The following RPS6KA5 variants were observed in gnomAD, a reference collection of about 807,000 sequenced individuals.
The protein encoded by RPS6KA5 is ribosomal protein S6 kinase alpha-5.
Under a neutral mutation model 85.5 loss-of-function variants are expected in RPS6KA5, and 27 were observed. The ratio of observed to expected loss-of-function variants is 0.32; its 90% confidence interval spans 0.23 to 0.44. The LOEUF is 0.44. Among genes scored for constraint, RPS6KA5 ranks in the 20% least tolerant of loss-of-function variants. The pLI is 1.00. For missense variants in RPS6KA5, 811 were observed against 980.9 expected (o/e 0.83, Z 2.31); for synonymous variants, 334 against 348.2 (o/e 0.96, Z 0.46).
At chr14:91,014,776 C>T (rs1272470191) in intron 1 of RPS6KA5, among the ~76,000 whole-genome samples, 8 of 151,944 alleles carry the variant, frequency 5.3e-5, no homozygotes, top group African/African-American at 1.9e-4. Context: ...TATTAATGCA[C>T]TATTGTTAAA....
At chr14:91,029,534 T>C (rs1038302702) in intron 1 of RPS6KA5, among the ~76,000 whole-genome samples, 1 of 152,224 alleles carries the variant, frequency 6.6e-6, no homozygotes, top group African/African-American at 2.4e-5. Flanking sequence ...CAGTAGTGGC[T>C]TAGAGTCTCA....
At chr14:90,982,465 A>G (rs1039996088) in intron 2 of RPS6KA5, among the ~76,000 whole-genome samples, 1 of 152,142 alleles carries the variant, frequency 6.6e-6, no homozygotes, top group Non-Finnish European at 1.5e-5. Context: ...CTGTCTCCAA[A>G]GGAAGAAAAA....
rs992229085 is a variant in RPS6KA5, at chr14:90,972,962, G to A, written c.394+5344C>T. On this transcript the variant is annotated intron_variant, in intron 3 of 16. Coordinates refer to ENST00000614987, the MANE Select transcript of RPS6KA5 (RefSeq NM_004755.4). ...TTTTTAAGCATGTGAAAAGATGTTC[G>A]GCCTCATTCAGTAAAGAAAAAAAGA... 3.9e-5 allele frequency among the ~76,000 whole-genome samples: 6 copies of A among 152,200 alleles called. No individual in the cohort carries two copies. In the East Asian group the frequency reaches 5.8e-4, roughly 15 times the overall value.
intron 8 of RPS6KA5, among the ~76,000 whole-genome samples, chr14:90,904,938 G>A (rs190056260): frequency 1.5e-3 from 227 of 152,188 alleles, no homozygotes; most frequent in African/African-American, 5.0e-3. Flanking sequence ...TACTTTGCTC[G>A]ACTTGTTTCT....
intron 12 of RPS6KA5, among the ~76,000 whole-genome samples, chr14:90,895,160 GC>G (rs1566705251): frequency 1.6e-3 from 11 of 6,732 alleles, no homozygotes; most frequent in African/African-American, 0.014. Context: ...GTGAGGCCTG[GC>G]ACACCCATCC....
chr14:90,950,887 G>A (rs2038139194), intron 3 of RPS6KA5, among the ~76,000 whole-genome samples: 1 of 152,124 alleles, frequency 6.6e-6, no homozygotes, highest in Non-Finnish European at 1.5e-5. Context: ...TTGGGAGGCT[G>A]AGGCAGGCGG....
chr14:91,028,447 C>A (rs531638962), intron 1 of RPS6KA5, among the ~76,000 whole-genome samples: 1 of 152,188 alleles, frequency 6.6e-6, no homozygotes, highest in African/African-American at 2.4e-5. Flanking sequence ...AAATCCTAGG[C>A]TCAAGCACTC....
Position 90,848,189 on chromosome 14 carries a change from C to T in RPS6KA5, c.*23885G>A, listed in dbSNP as rs1398330856. On this transcript the variant is annotated 3_prime_UTR_variant, in exon 17 of 17. Coordinates refer to ENST00000614987, the MANE Select transcript of RPS6KA5 (RefSeq NM_004755.4). ...AAGTAGCTATAGAATTCTGAAAATT[C>T]TCAATAAATAGTTACTAGTATAAAA... 2 of 152,150 alleles carry T rather than the reference C, an allele frequency of 1.3e-5. No homozygotes were observed. The highest frequency in any genetic ancestry group is 2.4e-5 in the African/African-American group (1 of 41,422). 9.4% of individuals were successfully genotyped at this position (152,150 alleles called of 1,614,324 possible). A position where few individuals can be genotyped will look rare whatever the true frequency, so the allele number is the denominator to read the frequency against.
In RPS6KA5 at chr14:90,974,776, AG is replaced by A. The variant is rs560443112; in HGVS notation, c.394+3529del. On this transcript the variant is annotated intron_variant, in intron 3 of 16. Transcript: ENST00000614987. The stretch of plus-strand genomic sequence containing the variant: ...CCAGCCAACTCTCCATCTGAACACC[AG>A]GTGAGTGAGCCCAGGCTAACCATTA... Among the ~76,000 whole-genome samples the A allele has an allele frequency of 2.1e-4, 32 of 152,380 alleles. No individual in the cohort carries two copies. In the South Asian group the frequency reaches 6.2e-3, roughly 30 times the overall value.
At chr14:91,028,951 T>G (rs973513512) in intron 1 of RPS6KA5, among the ~76,000 whole-genome samples, 1 of 152,248 alleles carries the variant, frequency 6.6e-6, no homozygotes, top group Non-Finnish European at 1.5e-5. Context: ...TGAAGTAATA[T>G]ATCTGAAGGG....
At position 90,851,757 on chromosome 14, in the gene RPS6KA5, A is replaced by G. The variant is rs1156833825; in HGVS notation, c.*20317T>C. 1 of 152,202 alleles carries G rather than the reference A, an allele frequency of 6.6e-6. No homozygotes were observed. Among genetic ancestry groups the G allele is most frequent in the Non-Finnish European group, 1.5e-5 (1 of 68,048 alleles). 9.4% of individuals were successfully genotyped at this position (152,202 alleles called of 1,614,324 possible). The stretch of plus-strand genomic sequence containing the variant: ...AGGATGAAGGTATTTCTCTTTAGAT[A>G]CTGGTAGATATCATTAGTAAAAACT... On this transcript the variant is annotated 3_prime_UTR_variant, in exon 17 of 17. Transcript: ENST00000614987.
chr14:90,973,640 A>G (rs1297119287), intron 3 of RPS6KA5, among the ~76,000 whole-genome samples: 5 of 151,970 alleles, frequency 3.3e-5, no homozygotes, highest in Non-Finnish European at 7.3e-5. Context: ...AATGGAATGG[A>G]ACGAAGGACT....
At chr14:91,029,785 G>A (rs781725246) in intron 1 of RPS6KA5, among the ~76,000 whole-genome samples, 1 of 152,098 alleles carries the variant, frequency 6.6e-6, no homozygotes, top group Non-Finnish European at 1.5e-5. Context: ...ACTTAGAATG[G>A]TGCCAAGTAT....
In RPS6KA5 at chr14:91,060,372, T is replaced by G. The variant is rs199916387; in HGVS notation, c.63A>C (p.Gly21=). The G allele has an allele frequency of 2.1e-4, 312 of 1,506,074 alleles. No individual in the cohort carries two copies. The African/African-American group carries it at 3.9e-3, about 19-fold the overall frequency. 93.3% of individuals were successfully genotyped at this position (1,506,074 alleles called of 1,614,324 possible). ...GCTTGACAGTGAGGAGCTGCTCTCC[T>G]CCGTCGCCGCCGTCCGCGCTGGTCC... ...AAGTSADGGD[G]GEQLLTVKHE... The change falls in exon 1 of 17, where the codon GGA becomes GGC. Residue 21 remains glycine, a synonymous_variant. Coordinates refer to ENST00000614987, the MANE Select transcript of RPS6KA5 (RefSeq NM_004755.4).
chr14:90,907,704 A>T (rs997001029), intron 7 of RPS6KA5, among the ~76,000 whole-genome samples: 7 of 152,214 alleles, frequency 4.6e-5, no homozygotes, highest in Admixed American at 3.3e-4. Context: ...AAACAAGGAA[A>T]GAAAGGAAAG....
At chr14:91,033,053 G>T (rs957979644) in intron 1 of RPS6KA5, among the ~76,000 whole-genome samples, 6 of 151,954 alleles carry the variant, frequency 3.9e-5, no homozygotes, top group African/African-American at 1.4e-4. Context: ...TGGACGTGGT[G>T]GTGGGCATCT....
intron 5 of RPS6KA5, among the ~76,000 whole-genome samples, chr14:90,935,803 T>C (rs959555561): frequency 1.3e-5 from 2 of 152,244 alleles, no homozygotes; most frequent in African/African-American, 4.8e-5. Context: ...TTCGTGTTAA[T>C]GATCTGTTTT....
chr14:90,948,134 T>G (rs577588965), intron 3 of RPS6KA5, among the ~76,000 whole-genome samples: 1 of 152,354 alleles, frequency 6.6e-6, no homozygotes, highest in East Asian at 1.9e-4. Flanking sequence ...GTCAATTTTC[T>G]CTATTTATCC....
At chr14:90,914,317 T>TTG (rs2035994628) in intron 7 of RPS6KA5, among the ~76,000 whole-genome samples, 7 of 141,066 alleles carry the variant, frequency 5.0e-5, no homozygotes, top group Admixed American at 4.9e-4. Context: ...GGGTTTTTTT[T>TTG]TTTTTTTTTT....
Sources: allele counts gnomAD v4.1 joint callset (sites outside exome capture counted in the v4.1 genomes callset), GRCh38; gene constraint gnomAD v4.1.1; transcripts MANE v1.5; gene names NCBI Gene and HGNC (gene_info 2026-07-23, HGNC 2026-07-21).